The following NSMCE2 variants were observed in gnomAD, a reference collection of about 807,000 sequenced individuals.
NSMCE2 encodes NSE2 SUMO ligase component of SMC5/6 complex, also known as E3 SUMO-protein ligase NSE2.
In NSMCE2, 24 loss-of-function variants were observed where a neutral mutation model predicts 23.8. The observed-to-expected ratio is 1.01, with a 90% CI of 0.73 to 1.42. The LOEUF is 1.42. NSMCE2 is among the 40% of genes most tolerant of loss of function. The probability of loss-of-function intolerance (pLI) is 0.00; values close to 1 mark genes in which losing one functional copy is unlikely to be tolerated. For synonymous variants in NSMCE2, 92 were observed against 94.1 expected, an observed-to-expected ratio of 0.98 and a Z score of 0.13; for missense variants, 284 against 296.5, an observed-to-expected ratio of 0.96 and a Z score of 0.31.
At chr8:125,200,582 C>A (rs1044285119) in intron 5 of NSMCE2, among the ~76,000 whole-genome samples, 1 of 152,136 alleles carries the variant, frequency 6.6e-6, no homozygotes, top group Non-Finnish European at 1.5e-5. Context: ...GGTAACCTGA[C>A]TTTTCTCTCT....
intron 4 of NSMCE2, among the ~76,000 whole-genome samples, chr8:125,167,674 A>G (rs868468043): frequency 6.6e-6 from 1 of 152,106 alleles, no homozygotes; most frequent in African/African-American, 2.4e-5. Flanking sequence ...CAAAGAGGCT[A>G]TGGAAGAAAT....
intron 3 of NSMCE2, among the ~76,000 whole-genome samples, chr8:125,114,279 A>G (rs1818893120): frequency 1.3e-5 from 2 of 152,194 alleles, no homozygotes; most frequent in Non-Finnish European, 2.9e-5. Flanking sequence ...TCTGCCCTGA[A>G]TGTATGCTCT....
intron 4 of NSMCE2, among the ~76,000 whole-genome samples, chr8:125,158,285 T>G (rs963186072): frequency 6.6e-6 from 1 of 152,018 alleles, no homozygotes; most frequent in Non-Finnish European, 1.5e-5. Context: ...ATTGCATTAC[T>G]CCAACAGTGA....
intron 5 of NSMCE2, among the ~76,000 whole-genome samples, chr8:125,325,242 G>A (rs1203370331): frequency 1.3e-5 from 2 of 151,948 alleles, no homozygotes; most frequent in Non-Finnish European, 2.9e-5. Context: ...GATAGTGCCT[G>A]TGAATAGCCA....
At chr8:125,312,465 A>G (rs1829009017) in intron 5 of NSMCE2, among the ~76,000 whole-genome samples, 1 of 152,038 alleles carries the variant, frequency 6.6e-6, no homozygotes, top group Non-Finnish European at 1.5e-5. Flanking sequence ...CTCTACTGAA[A>G]ATACAAAAAT....
chr8:125,274,863 G>A (rs998201521), intron 5 of NSMCE2, among the ~76,000 whole-genome samples: 3 of 150,766 alleles, frequency 2.0e-5, no homozygotes, highest in Non-Finnish European at 4.4e-5. Context: ...CTGGGAGGCG[G>A]AGGTTGCAGT....
At chr8:125,337,902 A>G (rs112935960) in intron 5 of NSMCE2, among the ~76,000 whole-genome samples, 376 of 147,888 alleles carry the variant, frequency 2.5e-3, no homozygotes, top group Middle Eastern at 6.9e-3. Context: ...AAAAAAAAAA[A>G]AAAGAAAGAA....
At position 125,331,868 on chromosome 8, in the gene NSMCE2, G is replaced by A. The variant is rs183155436; in HGVS notation, c.419-25351G>A. Among the ~76,000 whole-genome samples the A allele has an allele frequency of 1.2e-4, 19 of 152,334 alleles. 1 individual carries two copies. The highest frequency in any genetic ancestry group is 9.1e-4 in the Admixed American group (14 of 15,306). On this transcript the variant is annotated intron_variant, in intron 5 of 7. Coordinates refer to ENST00000287437, the MANE Select transcript of NSMCE2 (RefSeq NM_173685.4). ...TCGGAAGGAGCAGTGGAAGAAGTCT[G>A]GTCTGGGTACTTCTTGTAAACTTCA...
At chr8:125,286,737 T>C (rs1827920699) in intron 5 of NSMCE2, among the ~76,000 whole-genome samples, 1 of 151,178 alleles carries the variant, frequency 6.6e-6, no homozygotes, top group African/African-American at 2.4e-5. Context: ...ATAGCATCTC[T>C]TCTCCATTTT....
chr8:125,284,139 G>A (rs1206099179), intron 5 of NSMCE2, among the ~76,000 whole-genome samples: 4 of 146,840 alleles, frequency 2.7e-5, no homozygotes, highest in Non-Finnish European at 5.9e-5. Context: ...GGGCAACAGA[G>A]CGAGACTCCG....
intron 5 of NSMCE2, among the ~76,000 whole-genome samples, chr8:125,345,756 TA>T (rs1830409563): frequency 6.6e-6 from 1 of 152,150 alleles, no homozygotes; most frequent in Non-Finnish European, 1.5e-5. Context: ...GGGTGAACTG[TA>T]GTCAGTCTGG....
intron 4 of NSMCE2, among the ~76,000 whole-genome samples, chr8:125,181,503 A>G (rs1106264): frequency 0.022 from 3,278 of 152,270 alleles, 129 homozygotes; most frequent in African/African-American, 0.075. Flanking sequence ...ACCTTTCTGC[A>G]TATTTGAAAA....
At chr8:125,291,099 T>C (rs920668660) in intron 5 of NSMCE2, among the ~76,000 whole-genome samples, 2 of 152,116 alleles carry the variant, frequency 1.3e-5, no homozygotes, top group African/African-American at 2.4e-5. Context: ...TTGTGGTAAA[T>C]ATTAAGAAAG....
At chr8:125,270,413 C>T (rs547951412) in intron 5 of NSMCE2, among the ~76,000 whole-genome samples, 16 of 151,930 alleles carry the variant, frequency 1.1e-4, no homozygotes, top group Non-Finnish European at 2.2e-4. Flanking sequence ...TGCAGTGAGC[C>T]GAGATCGCAC....
chr8:125,366,181 G>A (rs1406635697), intron 7 of NSMCE2, among the ~76,000 whole-genome samples: 1 of 152,164 alleles, frequency 6.6e-6, no homozygotes, highest in Non-Finnish European at 1.5e-5. Flanking sequence ...TAGCCCATAA[G>A]GTGACCTGAA....
At chr8:125,333,616 G>A (rs1237291967) in intron 5 of NSMCE2, among the ~76,000 whole-genome samples, 5 of 135,866 alleles carry the variant, frequency 3.7e-5, no homozygotes, top group African/African-American at 8.2e-5. Context: ...CCGGGTTCAC[G>A]CCATTCTCCT....
At chr8:125,159,443 A>G (rs1324297129) in intron 4 of NSMCE2, among the ~76,000 whole-genome samples, 2 of 152,194 alleles carry the variant, frequency 1.3e-5, no homozygotes, top group Non-Finnish European at 2.9e-5. Context: ...TGCCTACAGT[A>G]TTCAGTATAG....
intron 5 of NSMCE2, among the ~76,000 whole-genome samples, chr8:125,241,943 T>G (rs1825780556): frequency 6.6e-6 from 1 of 152,106 alleles, no homozygotes; most frequent in Non-Finnish European, 1.5e-5. Flanking sequence ...TTTCAGTGGG[T>G]GATGATGCCA....
intron 5 of NSMCE2, among the ~76,000 whole-genome samples, chr8:125,269,111 G>A (rs939674837): frequency 6.6e-6 from 1 of 152,020 alleles, no homozygotes. Flanking sequence ...TTTTGAGACA[G>A]AGTCCCACTC....
Sources: allele counts gnomAD v4.1 joint callset (sites outside exome capture counted in the v4.1 genomes callset), GRCh38; gene constraint gnomAD v4.1.1; transcripts MANE v1.5; gene names NCBI Gene and HGNC (gene_info 2026-07-23, HGNC 2026-07-21).